HECW1: variants seen among roughly 807,000 people sequenced by gnomAD.
HECW1 encodes HECT, C2 and WW domain containing E3 ubiquitin protein ligase 1, also known as E3 ubiquitin-protein ligase HECW1.
Under a neutral mutation model 182.3 loss-of-function variants are expected in HECW1, and 61 were observed. The ratio of observed to expected loss-of-function variants is 0.33; its 90% CI spans 0.27 to 0.41. The LOEUF (loss-of-function observed/expected upper bound fraction) is 0.41. HECW1 is among the 10% of genes least tolerant of loss of function. The probability of loss-of-function intolerance (pLI) is 1.00; values close to 1 mark genes in which losing one functional copy is unlikely to be tolerated. For synonymous variants in HECW1, 859 were observed against 832.6 expected (o/e 1.03, Z -0.55); for missense variants, 1,739 against 2,108.9 (o/e 0.82, Z 3.44).
At chr7:43,200,055 G>C (rs1230716199) in intron 2 of HECW1, among the ~76,000 whole-genome samples, 1 of 152,150 alleles carries the variant, frequency 6.6e-6, no homozygotes, top group African/African-American at 2.4e-5. Flanking sequence ...AAAAATCACA[G>C]AAAATTACTT....
intron 2 of HECW1, among the ~76,000 whole-genome samples, chr7:43,171,451 CT>C (rs1302090233): frequency 6.6e-5 from 10 of 152,150 alleles, no homozygotes; most frequent in Non-Finnish European, 1.5e-4. Context: ...GGGCATCACA[CT>C]TTTGGTCAGC....
chr7:43,524,760 TGG>T lies in HECW1; in HGVS notation c.4019+15642_4019+15643del, dbSNP rs1585192810. Among the ~76,000 whole-genome samples the T allele has an allele frequency of 2.6e-5, 4 of 152,348 alleles. No individual in the cohort carries two copies. The East Asian group carries it at 7.7e-4, about 29-fold the overall frequency. ...ACTAGAGACTGTGGAGACCCAGGTT[TGG>T]GGCTATTGTTTCACCTCTAGCTCTC... On this transcript the variant is annotated intron_variant, in intron 24 of 29. Coordinates refer to ENST00000395891, the MANE Select transcript of HECW1 (RefSeq NM_015052.5).
At chr7:43,283,144 A>G (rs376138803) in intron 3 of HECW1, among the ~76,000 whole-genome samples, 14 of 151,998 alleles carry the variant, frequency 9.2e-5, no homozygotes, top group African/African-American at 3.4e-4. Context: ...AGAAAGAAAG[A>G]AAGAAATTCT....
intron 3 of HECW1, among the ~76,000 whole-genome samples, chr7:43,286,623 T>C (rs971902244): frequency 1.3e-5 from 2 of 152,158 alleles, no homozygotes; most frequent in Non-Finnish European, 1.5e-5. Context: ...GCAGTTTTCG[T>C]TTGTCACTTT....
chr7:43,272,057 T>A (rs1226781806), intron 3 of HECW1, among the ~76,000 whole-genome samples: 1 of 151,960 alleles, frequency 6.6e-6, no homozygotes, highest in African/African-American at 2.4e-5. Flanking sequence ...CCTACAGTCA[T>A]GTAATCTCCA....
At position 43,147,000 on chromosome 7, in the gene HECW1, G is replaced by A. The variant is rs189130901; in HGVS notation, c.-32+32609G>A. ...AAAGACTATTTTATGGCTGCTTTAT[G>A]TGGCAGTGTATTTGCATACCCCTTG... is the stretch of plus-strand genomic sequence containing the variant. On this transcript the variant is annotated intron_variant, in intron 2 of 29. Coordinates refer to ENST00000395891, the MANE Select transcript of HECW1 (RefSeq NM_015052.5). Among the ~76,000 whole-genome samples the A allele has an allele frequency of 2.0e-4, 31 of 152,348 alleles. No individual in the cohort carries two copies. In the East Asian group the frequency reaches 2.9e-3, roughly 14 times the overall value.
intron 8 of HECW1, among the ~76,000 whole-genome samples, chr7:43,425,778 G>A (rs557248394): frequency 6.6e-6 from 1 of 152,188 alleles, no homozygotes; most frequent in South Asian, 2.1e-4. Context: ...TTCAATAATA[G>A]CATTAATCCA....
intron 5 of HECW1, among the ~76,000 whole-genome samples, chr7:43,334,508 C>G (rs528839623): frequency 9.2e-5 from 14 of 152,170 alleles, no homozygotes; most frequent in African/African-American, 3.4e-4. Flanking sequence ...CACAAACAAC[C>G]CTTATCCGTT....
At chr7:43,463,528 G>T in intron 13 of HECW1, 132 bp from the exon 14 acceptor site, 1 of 780,806 alleles carries the variant, frequency 1.3e-6, no homozygotes, top group East Asian at 2.7e-5. Flanking sequence ...CTATCTTGTG[G>T]GAATTTTAAG....
chr7:43,205,905 A>G (rs55713548), intron 2 of HECW1, among the ~76,000 whole-genome samples: 23,607 of 152,146 alleles, frequency 0.16, 1,992 homozygotes, highest in South Asian at 0.23. Context: ...CACTGAGCAC[A>G]GCTGGGCCCC....
chr7:43,325,812 G>A (rs1428808786), intron 5 of HECW1, among the ~76,000 whole-genome samples: 2 of 152,094 alleles, frequency 1.3e-5, no homozygotes, highest in Non-Finnish European at 2.9e-5. Flanking sequence ...TCGTTTCCTC[G>A]TGTGGAAACC....
intron 3 of HECW1, among the ~76,000 whole-genome samples, chr7:43,295,635 GT>G (rs553710154): frequency 3.0e-4 from 46 of 152,332 alleles, no homozygotes; most frequent in African/African-American, 1.0e-3. Flanking sequence ...GAGGGGAGGA[GT>G]GGTGGAGGAG....
Position 43,508,137 on chromosome 7 carries a change from G to A in HECW1, c.3866+6G>A. The stretch of plus-strand genomic sequence containing the variant: ...ACCTTTGTTGGAGAGGAGGGGTGAG[G>A]CACCAGGAGTTTTATGCAGACACCT... On this transcript the variant is annotated splice_donor_region_variant and intron_variant, in intron 23 of 29. Transcript: ENST00000395891. 2 of 1,602,932 alleles carry A rather than the reference G, an allele frequency of 1.2e-6. No homozygotes were observed. The highest frequency in any genetic ancestry group is 1.7e-6 in the Non-Finnish European group (2 of 1,170,082).
chr7:43,231,720 A>G (rs1797888793), intron 2 of HECW1, among the ~76,000 whole-genome samples: 1 of 152,170 alleles, frequency 6.6e-6, no homozygotes, highest in African/African-American at 2.4e-5. Context: ...GTATTCTGAC[A>G]TAAGAACCTC....
intron 24 of HECW1, among the ~76,000 whole-genome samples, chr7:43,517,491 T>G (rs2080221478): frequency 6.6e-6 from 1 of 152,142 alleles, no homozygotes; most frequent in Admixed American, 6.5e-5. Context: ...AGTGGGTAAG[T>G]GGGTATTAAG....
intron 15 of HECW1, among the ~76,000 whole-genome samples, chr7:43,467,819 C>T (rs1393199406): frequency 6.6e-6 from 1 of 152,076 alleles, no homozygotes; most frequent in Non-Finnish European, 1.5e-5. Context: ...CTGAGTGAGG[C>T]AGTGACCGCA....
Position 43,160,527 on chromosome 7 carries a change from G to A in HECW1, c.-32+46136G>A, listed in dbSNP as rs540857438. 8.5e-4 allele frequency among the ~76,000 whole-genome samples: 129 copies of A among 152,242 alleles called. No homozygotes were observed. In the Middle Eastern group the frequency reaches 0.01, roughly 12 times the overall value. ...CTCCATAAATGTCCTAGAGGCACGC[G>A]TTGAGTAATTCATCCATTCTCCCTT... On this transcript the variant is annotated intron_variant, in intron 2 of 29. Transcript: ENST00000395891.
chr7:43,244,229 T>C (rs1175775048), intron 3 of HECW1, among the ~76,000 whole-genome samples: 3 of 152,236 alleles, frequency 2.0e-5, no homozygotes, highest in African/African-American at 7.2e-5. Context: ...TCTATGATGC[T>C]ACTTCCAGAA....
chr7:43,348,031 C>T (rs1290686921), intron 5 of HECW1, among the ~76,000 whole-genome samples: 1 of 152,156 alleles, frequency 6.6e-6, no homozygotes, highest in Non-Finnish European at 1.5e-5. Flanking sequence ...ATGCTGGCTT[C>T]ACAGAATGAA....
Sources: allele counts gnomAD v4.1 joint callset (sites outside exome capture counted in the v4.1 genomes callset), GRCh38; gene constraint gnomAD v4.1.1; transcripts MANE v1.5; gene names NCBI Gene and HGNC (gene_info 2026-07-23, HGNC 2026-07-21).